The following ZFPM2 variants were observed in gnomAD, a reference collection of about 807,000 sequenced individuals.
ZFPM2 encodes zinc finger protein, FOG family member 2, also known as zinc finger protein ZFPM2.
ZFPM2 carries 20 observed loss-of-function variants against 98.6 expected under a neutral mutation model. The observed-to-expected ratio is 0.20, with a 90% CI of 0.14 to 0.29. The LOEUF is 0.29. Among genes scored for constraint, ZFPM2 ranks in the 10% least tolerant of loss-of-function variants. ZFPM2 has a pLI of 1.00. For missense variants in ZFPM2, 1,310 were observed against 1,388.6 expected (o/e 0.94, Z 0.90); for synonymous variants, 518 against 502.7 (o/e 1.03, Z -0.41).
At chr8:105,798,594 G>C in intron 6 of ZFPM2, 130 bp from the exon 7 acceptor site, 1 of 708,486 alleles carries the variant, frequency 1.4e-6, no homozygotes, top group East Asian at 2.7e-5. Context: ...ACCAAAGACT[G>C]TTACTCATCT....
Position 105,673,495 on chromosome 8 carries a change from T to G in ZFPM2, c.532+39138T>G, listed in dbSNP as rs1254962260. ...TCTATGAGAACTGAGCATGACTCTT[T>G]CTGGGAGAACACATTATATGCTTCT... On this transcript the variant is annotated intron_variant, in intron 5 of 7. Coordinates refer to ENST00000407775, the MANE Select transcript of ZFPM2 (RefSeq NM_012082.4). Among the ~76,000 whole-genome samples the G allele has an allele frequency of 1.1e-4, 16 of 152,204 alleles. 1 individual carries two copies. The East Asian group carries it at 2.9e-3, about 28-fold the overall frequency.
At chr8:105,427,482 A>G (rs1811939042) in intron 2 of ZFPM2, among the ~76,000 whole-genome samples, 1 of 152,196 alleles carries the variant, frequency 6.6e-6, no homozygotes, top group Non-Finnish European at 1.5e-5. Context: ...AGGCATGTTA[A>G]GCTTGATAAA....
chr8:105,636,625 T>C (rs1410933416), intron 5 of ZFPM2, among the ~76,000 whole-genome samples: 3 of 152,186 alleles, frequency 2.0e-5, no homozygotes, highest in Non-Finnish European at 4.4e-5. Flanking sequence ...CTTAGTCACC[T>C]TTCTATTCCT....
rs1563546914 is a variant in ZFPM2, at chr8:105,746,654, A to ATTT, written c.533-42064_533-42063insTTT. Among the ~76,000 whole-genome samples, 12 of 111,990 alleles carry ATTT rather than the reference A, an allele frequency of 1.1e-4. 1 individual carries two copies. The highest frequency in any genetic ancestry group is 3.3e-4 in the South Asian group (1 of 2,986). The allele number at this position is 111,990 out of a possible 152,430, so 73.5% of individuals were successfully genotyped here. On this transcript the variant is annotated intron_variant, in intron 5 of 7. Coordinates refer to ENST00000407775, the MANE Select transcript of ZFPM2 (RefSeq NM_012082.4). The stretch of plus-strand genomic sequence containing the variant: ...TGCGTTTTCTTGTTCTGTTTTTAAA[A>ATTT]ATTTTTTTTTTTTTTTTTTTTTTGG...
chr8:105,418,241 T>C (rs1811719322), intron 1 of ZFPM2, among the ~76,000 whole-genome samples: 1 of 152,148 alleles, frequency 6.6e-6, no homozygotes, highest in South Asian at 2.1e-4. Context: ...ATTACCATAA[T>C]TGTGTTCTTT....
chr8:105,625,200 T>C (rs757830536), intron 4 of ZFPM2, among the ~76,000 whole-genome samples: 1 of 152,210 alleles, frequency 6.6e-6, no homozygotes, highest in Non-Finnish European at 1.5e-5. Flanking sequence ...TTTAGGAGTA[T>C]TCTTAATATC....
At chr8:105,701,005 A>C (rs1193275548) in intron 5 of ZFPM2, among the ~76,000 whole-genome samples, 1 of 152,066 alleles carries the variant, frequency 6.6e-6, no homozygotes, top group African/African-American at 2.4e-5. Context: ...TTTTATGATA[A>C]ATAGTGTGTT....
At position 105,784,744 on chromosome 8, in the gene ZFPM2, T is replaced by A. The variant is rs1343244280; in HGVS notation, c.533-3974T>A. On this transcript the variant is annotated intron_variant, in intron 5 of 7. Coordinates refer to ENST00000407775, the MANE Select transcript of ZFPM2 (RefSeq NM_012082.4). ...CTTAGGTGACAAGTTCTAAGTCACA[T>A]AATAAGTGACTTGCACCCAGGCAGC... The A allele has an allele frequency of 2.9e-4, 36 of 124,324 alleles. 5 individuals are homozygous for A. Among genetic ancestry groups the A allele is most frequent in the African/African-American group, 1.0e-3 (29 of 28,766 alleles). 7.7% of individuals were successfully genotyped at this position (124,324 alleles called of 1,614,324 possible).
chr8:105,653,744 G>C (rs911392783), intron 5 of ZFPM2, among the ~76,000 whole-genome samples: 3 of 151,246 alleles, frequency 2.0e-5, no homozygotes, highest in Admixed American at 6.6e-5. Flanking sequence ...GAATTTATTT[G>C]CATGTTAGAG....
intron 3 of ZFPM2, among the ~76,000 whole-genome samples, chr8:105,493,768 T>C (rs1381540825): frequency 5.3e-5 from 8 of 152,178 alleles, no homozygotes; most frequent in Non-Finnish European, 1.2e-4. Flanking sequence ...TTATGTTGCT[T>C]CTAACCACAG....
intron 1 of ZFPM2, chr8:105,358,612 T>G (rs1316775362): frequency 6.6e-6 from 1 of 152,042 alleles, no homozygotes; most frequent in African/African-American, 2.4e-5. Context: ...CCTAGGATGC[T>G]GTGGAGTAAG....
chr8:105,385,292 G>C (rs1157102488), intron 1 of ZFPM2, among the ~76,000 whole-genome samples: 4 of 152,206 alleles, frequency 2.6e-5, no homozygotes, highest in Admixed American at 1.3e-4. Context: ...ATATAATACA[G>C]AGTGCTTTCT....
chr8:105,756,896 G>A (rs1442338523), intron 5 of ZFPM2, among the ~76,000 whole-genome samples: 7 of 152,156 alleles, frequency 4.6e-5, no homozygotes, highest in African/African-American at 1.7e-4. Context: ...TGGCGATGCC[G>A]TGATACCTGG....
chr8:105,630,740 A>G (rs1816741139), intron 4 of ZFPM2, among the ~76,000 whole-genome samples: 1 of 152,166 alleles, frequency 6.6e-6, no homozygotes, highest in Admixed American at 6.5e-5. Flanking sequence ...AATGGAGAAA[A>G]TGTTAGTACC....
intron 3 of ZFPM2, among the ~76,000 whole-genome samples, chr8:105,536,652 C>G (rs200428642): frequency 1.3e-5 from 2 of 151,936 alleles, no homozygotes; most frequent in Non-Finnish European, 2.9e-5. Context: ...GTGTTGTTTT[C>G]AAGTTGTGAA....
intron 5 of ZFPM2, among the ~76,000 whole-genome samples, chr8:105,658,752 C>G (rs1170701755): frequency 6.6e-6 from 1 of 152,088 alleles, no homozygotes; most frequent in Non-Finnish European, 1.5e-5. Context: ...TATACATGGA[C>G]TTCTTCACTT....
chr8:105,487,394 C>T (rs2130413897), intron 3 of ZFPM2, among the ~76,000 whole-genome samples: 1 of 152,288 alleles, frequency 6.6e-6, no homozygotes, highest in African/African-American at 2.4e-5. Context: ...ATTGGGATTA[C>T]AGGTGTGAGC....
In ZFPM2 at chr8:105,444,218, T is replaced by C. The variant is rs112364226; in HGVS notation, c.200-62T>C. The stretch of plus-strand genomic sequence containing the variant: ...TGATAAGGACATCCCTTTATGAGGG[T>C]GTGAATGTGAAAGAGAGAGCTTTGC... On this transcript the variant is annotated intron_variant, in intron 2 of 7. Transcript: ENST00000407775. 1.2e-4 allele frequency: 148 copies of C among 1,257,854 alleles called. 2 individuals are homozygous for C. In the African/African-American group the frequency reaches 1.7e-3, roughly 14 times the overall value. The allele number at this position is 1,257,854 out of a possible 1,614,324, so 77.9% of individuals were successfully genotyped here. A position where few individuals can be genotyped will look rare whatever the true frequency, so the allele number is the denominator to read the frequency against.
chr8:105,343,791 T>A (rs1488360382), intron 1 of ZFPM2, among the ~76,000 whole-genome samples: 1 of 152,164 alleles, frequency 6.6e-6, no homozygotes, highest in African/African-American at 2.4e-5. Context: ...AGTAGGTTTC[T>A]GAGTGATTTA....
Sources: allele counts gnomAD v4.1 joint callset (sites outside exome capture counted in the v4.1 genomes callset), GRCh38; gene constraint gnomAD v4.1.1; transcripts MANE v1.5; gene names NCBI Gene and HGNC (gene_info 2026-07-23, HGNC 2026-07-21).